Variants in MALRD1 observed in about 807,000 individuals in gnomAD.
MALRD1 encodes MAM and LDL-receptor class A domain-containing protein 1.
Under a neutral mutation model 242.1 loss-of-function variants are expected in MALRD1, and 247 were observed. The observed-to-expected ratio is 1.02, with a 90% CI of 0.92 to 1.13. The LOEUF (loss-of-function observed/expected upper bound fraction) is 1.13. Among genes scored for constraint, MALRD1 ranks in the 50% most tolerant of loss-of-function variants. The probability of loss-of-function intolerance (pLI) is 0.00; values close to 1 mark genes in which losing one functional copy is unlikely to be tolerated. For missense variants in MALRD1, 2,989 were observed against 2,533.1 expected (o/e 1.18, Z -3.86); for synonymous variants, 995 against 866.6 (o/e 1.15, Z -2.60).
At chr10:19,206,195 C>T (rs1836775830) in intron 17 of MALRD1, among the ~76,000 whole-genome samples, 1 of 151,742 alleles carries the variant, frequency 6.6e-6, no homozygotes, top group African/African-American at 2.4e-5. Context: ...ATGTAAAATG[C>T]TTACTACATC....
chr10:19,312,284 G>A (rs957607117), intron 21 of MALRD1, among the ~76,000 whole-genome samples: 7 of 150,550 alleles, frequency 4.6e-5, no homozygotes, highest in Admixed American at 2.0e-4. Flanking sequence ...GGCTTTTTCT[G>A]TATAACACAT....
intron 2 of MALRD1, among the ~76,000 whole-genome samples, chr10:19,067,373 A>G (rs978468662): frequency 6.6e-6 from 1 of 152,100 alleles, no homozygotes; most frequent in African/African-American, 2.4e-5. Context: ...CCATTCATTC[A>G]ACATTGCGTA....
In MALRD1 at chr10:19,406,925, A is replaced by G. The variant is rs141506007; in HGVS notation, c.4845+17316A>G. Among the ~76,000 whole-genome samples, 393 of 152,266 alleles carry G rather than the reference A, an allele frequency of 2.6e-3. 1 individual carries two copies. Among genetic ancestry groups the G allele is most frequent in the African/African-American group, 8.6e-3 (359 of 41,552 alleles). On this transcript the variant is annotated intron_variant, in intron 28 of 39. Coordinates refer to ENST00000454679, the MANE Select transcript of MALRD1 (RefSeq NM_001142308.3). Reference sequence around the variant, plus strand: ...AAATAGGAGGATAATCTGATGATTAATATATCAGATTTTTTTTAGTTTTTC... The same window carrying G: ...AAATAGGAGGATAATCTGATGATTAGTATATCAGATTTTTTTTAGTTTTTC...
chr10:19,673,913 G>T (rs371868040), intron 36 of MALRD1, among the ~76,000 whole-genome samples: 1 of 151,526 alleles, frequency 6.6e-6, no homozygotes, highest in African/African-American at 2.4e-5. Flanking sequence ...ATTTATATGC[G>T]TGTGCATGTA....
intron 1 of MALRD1, among the ~76,000 whole-genome samples, chr10:19,058,687 C>G (rs1456896031): frequency 6.6e-6 from 1 of 152,028 alleles, no homozygotes; most frequent in Non-Finnish European, 1.5e-5. Context: ...ATACATTTTT[C>G]TTTCATACAA....
intron 11 of MALRD1, among the ~76,000 whole-genome samples, chr10:19,149,344 GTTGATA>G (rs1278595227): frequency 6.6e-6 from 1 of 151,998 alleles, no homozygotes; most frequent in Non-Finnish European, 1.5e-5. Context: ...GGCTGGATAT[GTTGATA>G]TTATCTAGTT....
intron 12 of MALRD1, 80 bp from the exon 13 acceptor site, chr10:19,165,557 G>C: frequency 9.1e-7 from 1 of 1,103,838 alleles, no homozygotes; most frequent in Non-Finnish European, 1.1e-6. Flanking sequence ...CCTGAGGTCA[G>C]GAATATTTCA....
intron 29 of MALRD1, among the ~76,000 whole-genome samples, chr10:19,454,423 T>C (rs1185844970): frequency 7.1e-6 from 1 of 140,670 alleles, no homozygotes; most frequent in South Asian, 2.2e-4. Flanking sequence ...TATATATATA[T>C]ATATATATAA....
At chr10:19,378,417 T>G (rs1177803133) in intron 26 of MALRD1, among the ~76,000 whole-genome samples, 11 of 152,162 alleles carry the variant, frequency 7.2e-5, no homozygotes, top group Admixed American at 6.5e-4. Context: ...TCAGTCAGCA[T>G]CTTTTTGGTG....
intron 28 of MALRD1, among the ~76,000 whole-genome samples, chr10:19,427,435 G>C (rs942629077): frequency 1.3e-5 from 2 of 152,144 alleles, no homozygotes; most frequent in Admixed American, 1.3e-4. Context: ...ATAGATTATA[G>C]AGTGAGTATT....
intron 14 of MALRD1, among the ~76,000 whole-genome samples, chr10:19,200,645 G>GTTTTTT (rs71387053): frequency 1.4e-5 from 1 of 69,450 alleles, no homozygotes; most frequent in African/African-American, 5.9e-5. Context: ...CCTGCTTGAG[G>GTTTTTT]TTTTTTTTTT....
intron 28 of MALRD1, among the ~76,000 whole-genome samples, chr10:19,424,889 G>A (rs1301733575): frequency 4.6e-5 from 7 of 151,734 alleles, no homozygotes; most frequent in Non-Finnish European, 2.9e-5. Flanking sequence ...CTGACAAAAG[G>A]GTGGCTCTTT....
intron 14 of MALRD1, among the ~76,000 whole-genome samples, chr10:19,176,163 C>G (rs1222798263): frequency 6.6e-6 from 1 of 151,908 alleles, no homozygotes; most frequent in Non-Finnish European, 1.5e-5. Flanking sequence ...ATATGAAAAT[C>G]AGACATACTG....
At chr10:19,599,807 A>G (rs1210868135) in intron 34 of MALRD1, among the ~76,000 whole-genome samples, 5 of 152,108 alleles carry the variant, frequency 3.3e-5, no homozygotes, top group African/African-American at 1.2e-4. Context: ...GAGGCATGAC[A>G]TTTAGTTAAG....
chr10:19,542,095 T>G lies in MALRD1; in HGVS notation c.5478+10744T>G, dbSNP rs1479390142. Among the ~76,000 whole-genome samples the G allele has an allele frequency of 2.6e-5, 4 of 152,202 alleles. No individual in the cohort carries two copies. In the South Asian group the frequency reaches 8.3e-4, roughly 32 times the overall value. On this transcript the variant is annotated intron_variant, in intron 32 of 39. Coordinates refer to ENST00000454679, the MANE Select transcript of MALRD1 (RefSeq NM_001142308.3). ...CTTGAAGAGTTATGCAACTAAAAATTAAAATCAAGTCACAGTTTTAAGACA... is the reference window on the plus strand; with the variant it reads ...CTTGAAGAGTTATGCAACTAAAAATGAAAATCAAGTCACAGTTTTAAGACA...
rs534221920 is a variant in MALRD1 at position 19,427,692 on chromosome 10, G to T, written c.4846-22615G>T. Among the ~76,000 whole-genome samples, 3 of 152,070 alleles carry T rather than the reference G, an allele frequency of 2.0e-5. No individual in the cohort carries two copies. The East Asian group carries it at 5.8e-4, about 29-fold the overall frequency. On this transcript the variant is annotated intron_variant, in intron 28 of 39. Transcript: ENST00000454679. Reference sequence around the variant, plus strand: ...ATGGATAAATAATAGGGCTTCTAGGGGTTATTATTGGCGTTATATAGACTG... The same window carrying T: ...ATGGATAAATAATAGGGCTTCTAGGTGTTATTATTGGCGTTATATAGACTG...
rs1361947419 is a variant in MALRD1 at position 19,539,855 on chromosome 10, TGCGTGTGTGTG to T, written c.5478+8505_5478+8515del. ...GCATGCGCCACCACACCCAGCTTTG[TGCGTGTGTGTG>T]TGTGTGTGTGTGTGTGTGTGTGTGT... On this transcript the variant is annotated intron_variant, in intron 32 of 39. Coordinates refer to ENST00000454679, the MANE Select transcript of MALRD1 (RefSeq NM_001142308.3). Among the ~76,000 whole-genome samples, 53 of 87,444 alleles carry T rather than the reference TGCGTGTGTGTG, an allele frequency of 6.1e-4. 3 individuals are homozygous for T. Among genetic ancestry groups the T allele is most frequent in the East Asian group, 9.5e-4 (3 of 3,142 alleles). 57.4% of individuals were successfully genotyped at this position (87,444 alleles called of 152,430 possible).
At chr10:19,498,122 A>G (rs1837803787) in intron 30 of MALRD1, among the ~76,000 whole-genome samples, 1 of 152,230 alleles carries the variant, frequency 6.6e-6, no homozygotes, top group African/African-American at 2.4e-5. Flanking sequence ...AAACATCAGA[A>G]TAAGGGACGG....
chr10:19,113,395 A>C (rs983163082), intron 5 of MALRD1, among the ~76,000 whole-genome samples: 3 of 151,882 alleles, frequency 2.0e-5, no homozygotes, highest in Non-Finnish European at 4.4e-5. Flanking sequence ...GTATTATGCA[A>C]ACCTCTTTTC....
Sources: allele counts gnomAD v4.1 joint callset (sites outside exome capture counted in the v4.1 genomes callset), GRCh38; gene constraint gnomAD v4.1.1; transcripts MANE v1.5; gene names NCBI Gene and HGNC (gene_info 2026-07-23, HGNC 2026-07-21).